Variants in ATXN1 observed in about 807,000 individuals in gnomAD.
The protein encoded by ATXN1 is ataxin-1.
Under a neutral mutation model 56.4 loss-of-function variants are expected in ATXN1, and 8 were observed. The observed-to-expected ratio is 0.14, with a 90% confidence interval of 0.08 to 0.26. The LOEUF is 0.26. Among genes scored for constraint, ATXN1 ranks in the 10% least tolerant of loss-of-function variants. ATXN1 has a pLI of 1.00. For missense variants in ATXN1, 987 were observed against 1,106.5 expected (o/e 0.89, Z 1.53); for synonymous variants, 514 against 494.6 (o/e 1.04, Z -0.52).
intron 2 of ATXN1, among the ~76,000 whole-genome samples, chr6:16,750,904 T>C (rs962299225): frequency 6.6e-6 from 1 of 152,050 alleles, no homozygotes; most frequent in African/African-American, 2.4e-5. Flanking sequence ...ACCGTTAAAA[T>C]GAGTATCATC....
rs58127383 is a variant in ATXN1, at chr6:16,497,330, A to C, written c.-298-11221T>G. On this transcript the variant is annotated intron_variant, in intron 5 of 7. Transcript: ENST00000436367. ...ACTGATGTAAAAAGAAAAAAAAAAA[A>C]GATTCCCATTCCTGCTGACCCCAGC... 8.6e-3 allele frequency among the ~76,000 whole-genome samples: 1,304 copies of C among 151,602 alleles called. 24 individuals are homozygous for C. The highest frequency in any genetic ancestry group is 0.029 in the African/African-American group (1,202 of 41,324).
At chr6:16,377,080 C>T (rs776981596) in intron 6 of ATXN1, among the ~76,000 whole-genome samples, 1 of 152,160 alleles carries the variant, frequency 6.6e-6, no homozygotes, top group African/African-American at 2.4e-5. Flanking sequence ...CCCCAGAGAG[C>T]GACCTTGCTC....
intron 6 of ATXN1, among the ~76,000 whole-genome samples, chr6:16,392,718 A>G (rs1054422632): frequency 6.6e-6 from 1 of 151,886 alleles, no homozygotes; most frequent in Non-Finnish European, 1.5e-5. Flanking sequence ...CTGGTCTCGA[A>G]CTCCTGACCT....
rs1051566866 is a variant in ATXN1 at position 16,410,982 on chromosome 6, G to A, written c.-161+74990C>T. Among the ~76,000 whole-genome samples the A allele has an allele frequency of 3.9e-5, 6 of 151,984 alleles. No individual in the cohort carries two copies. The highest frequency in any genetic ancestry group is 2.1e-4 in the South Asian group (1 of 4,826). ...TCTACCAAAAATACAAAAATTAGCCGTGTGTAGTAGCACATGCCTGTAGTT... is the reference window on the plus strand; with the variant it reads ...TCTACCAAAAATACAAAAATTAGCCATGTGTAGTAGCACATGCCTGTAGTT... On this transcript the variant is annotated intron_variant, in intron 6 of 7. Transcript: ENST00000436367. The surrounding 1 kb of genome is among the most constrained non-coding windows in gnomAD (Gnocchi z 4.6).
chr6:16,685,648 T>C (rs1758902295), intron 2 of ATXN1, among the ~76,000 whole-genome samples: 1 of 152,214 alleles, frequency 6.6e-6, no homozygotes, highest in African/African-American at 2.4e-5. Context: ...CAATTGAGCC[T>C]AATTGATAAA....
intron 5 of ATXN1, among the ~76,000 whole-genome samples, chr6:16,501,387 A>G (rs1188478028): frequency 6.6e-6 from 1 of 152,188 alleles, no homozygotes; most frequent in African/African-American, 2.4e-5. Context: ...TACATGTGCC[A>G]TGGTGGTTTG....
Position 16,598,100 on chromosome 6 carries a change from G to A in ATXN1, c.-488-12193C>T, listed in dbSNP as rs1762846545. Reference sequence around the variant, plus strand: ...GTATGCATTATAAAAACATCACACTGTACCCCATAAATATACATAATTATT... The same window carrying A: ...GTATGCATTATAAAAACATCACACTATACCCCATAAATATACATAATTATT... On this transcript the variant is annotated intron_variant, in intron 3 of 7. Transcript: ENST00000436367. Among the ~76,000 whole-genome samples, 6 of 152,148 alleles carry A rather than the reference G, an allele frequency of 3.9e-5. 1 individual carries two copies. The South Asian group carries it at 1.2e-3, about 32-fold the overall frequency.
intron 3 of ATXN1, among the ~76,000 whole-genome samples, chr6:16,604,586 TTC>T (rs1762969165): frequency 6.8e-6 from 1 of 147,730 alleles, no homozygotes; most frequent in East Asian, 2.3e-4. Flanking sequence ...TTTGTTTCTC[TTC>T]TTTTTTTTTT....
chr6:16,390,540 C>A (rs1319827570), intron 6 of ATXN1, among the ~76,000 whole-genome samples: 2 of 152,146 alleles, frequency 1.3e-5, no homozygotes, highest in Non-Finnish European at 2.9e-5. Context: ...TAGCTTCTCT[C>A]CCTGTTTTCA....
intron 2 of ATXN1, among the ~76,000 whole-genome samples, chr6:16,736,013 G>T (rs67522722): frequency 6.6e-6 from 1 of 152,128 alleles, no homozygotes; most frequent in Non-Finnish European, 1.5e-5. Context: ...TAGACAAAAA[G>T]ATGTTTAAAG....
chr6:16,662,841 A>G (rs1032535194), intron 2 of ATXN1, among the ~76,000 whole-genome samples: 6 of 152,216 alleles, frequency 3.9e-5, no homozygotes, highest in Admixed American at 2.6e-4. Flanking sequence ...CCATTTGCCA[A>G]CGCTGTAATA....
At chr6:16,464,459 G>A (rs953612019) in intron 6 of ATXN1, among the ~76,000 whole-genome samples, 7 of 152,100 alleles carry the variant, frequency 4.6e-5, no homozygotes, top group Non-Finnish European at 7.3e-5. Context: ...CCCCTTCCAC[G>A]CTGTGGAAGC....
At chr6:16,710,098 A>G (rs1025466264) in intron 2 of ATXN1, among the ~76,000 whole-genome samples, 8 of 152,220 alleles carry the variant, frequency 5.3e-5, no homozygotes, top group Admixed American at 3.9e-4. Flanking sequence ...CCTACAGCTA[A>G]CATCATGATG....
At chr6:16,434,761 G>A (rs1012463290) in intron 6 of ATXN1, among the ~76,000 whole-genome samples, 3 of 152,188 alleles carry the variant, frequency 2.0e-5, no homozygotes, top group African/African-American at 7.2e-5. Context: ...AGGATTGAAC[G>A]GGGAGAAACA....
chr6:16,644,252 G>A (rs1007442833), intron 3 of ATXN1, among the ~76,000 whole-genome samples: 1 of 152,190 alleles, frequency 6.6e-6, no homozygotes, highest in Non-Finnish European at 1.5e-5. Context: ...GGCCAGGTGT[G>A]GTGGCTCACG....
At chr6:16,361,517 G>GTA (rs1328814547) in intron 6 of ATXN1, among the ~76,000 whole-genome samples, 22 of 152,060 alleles carry the variant, frequency 1.4e-4, no homozygotes, top group Non-Finnish European at 3.1e-4. Context: ...GCAGTGTTTT[G>GTA]GGAATAAATG....
At chr6:16,695,648 A>C (rs935185390) in intron 2 of ATXN1, among the ~76,000 whole-genome samples, 1 of 152,202 alleles carries the variant, frequency 6.6e-6, no homozygotes. Context: ...AAGTTCTAGA[A>C]AATGTCCTAT....
At chr6:16,341,128 T>A (rs891601977) in intron 6 of ATXN1, among the ~76,000 whole-genome samples, 1 of 152,042 alleles carries the variant, frequency 6.6e-6, no homozygotes, top group Admixed American at 6.5e-5. Flanking sequence ...AATGGAGGAG[T>A]TGGCTCCCGC....
At chr6:16,653,014 AAAAGAG>A (rs1399297554) in intron 3 of ATXN1, 3 of 152,166 alleles carry the variant, frequency 2.0e-5, no homozygotes, top group African/African-American at 7.2e-5. Flanking sequence ...ACAGCCAAAT[AAAAGAG>A]AAAAAGTTGT....
Sources: allele counts gnomAD v4.1 joint callset (sites outside exome capture counted in the v4.1 genomes callset), GRCh38; gene constraint gnomAD v4.1.1; non-coding constraint Gnocchi (gnomAD v3.1); transcripts MANE v1.5; gene names NCBI Gene and HGNC (gene_info 2026-07-23, HGNC 2026-07-21).